Variants in HERC5 observed in about 807,000 individuals in gnomAD.
HERC5 encodes E3 ISG15--protein ligase HERC5.
Under a neutral mutation model 119.6 loss-of-function variants are expected in HERC5, and 99 were observed. The observed-to-expected ratio is 0.83, with a 90% CI of 0.70 to 0.98. The LOEUF is 0.98. Ranked by LOEUF, HERC5 falls within the 50% of genes least tolerant of loss-of-function variation. The pLI, the probability that HERC5 is intolerant of heterozygous loss-of-function variation, is 0.00. For synonymous variants in HERC5, 478 were observed against 445.9 expected, an observed-to-expected ratio of 1.07 and a Z score of -0.91; for missense variants, 1,267 against 1,241.3, an observed-to-expected ratio of 1.02 and a Z score of -0.31.
At chr4:88,468,473 A>G (rs1740750923) in intron 8 of HERC5, 51 bp downstream of exon 8, 4 of 1,301,362 alleles carry the variant, frequency 3.1e-6, no homozygotes, top group Non-Finnish European at 2.2e-6. Context: ...AAGCAAAACT[A>G]AGGGTTCTAG....
intron 20 of HERC5, among the ~76,000 whole-genome samples, chr4:88,503,508 G>A (rs1404365706): frequency 4.6e-5 from 7 of 152,054 alleles, no homozygotes; most frequent in South Asian, 2.1e-4. Context: ...CTATACATGT[G>A]GATATGAGTG....
Position 88,494,233 on chromosome 4 carries a change from T to C in HERC5, c.2346T>C (p.Asn782=), listed in dbSNP as rs767091304. The C allele has an allele frequency of 6.2e-7, 1 of 1,613,366 alleles. No individual in the cohort carries two copies. The highest frequency in any genetic ancestry group is 1.1e-5 in the South Asian group (1 of 91,048). The change falls in exon 18 of 23, where the codon AAT becomes AAC. Residue 782 remains asparagine, a synonymous_variant. Coordinates refer to ENST00000264350, the MANE Select transcript of HERC5 (RefSeq NM_016323.4). ...GTGGACTTTCCCTGTTCAATTGCAA[T>C]GTTGCCAACCTTCCTTTCCCACTGG... is the stretch of plus-strand genomic sequence containing the variant. The part of the protein sequence containing the change: ...VLCGLSLFNC[N]VANLPFPLAL...
At position 88,470,642 on chromosome 4, in the gene HERC5, G is replaced by A. The variant is rs375133286; in HGVS notation, c.1267G>A (p.Ala423Thr). 2.0e-6 allele frequency: 3 copies of A among 1,513,896 alleles called. No homozygotes were observed. Among genetic ancestry groups the A allele is most frequent in the Non-Finnish European group, 2.7e-6 (3 of 1,094,776 alleles). The allele number at this position is 1,513,896 out of a possible 1,614,324, so 93.8% of individuals were successfully genotyped here. A position where few individuals can be genotyped will look rare whatever the true frequency, so the allele number is the denominator to read the frequency against. Residue 423 changes from alanine (A) to threonine (T), a missense_variant, in exon 10 of 23, where the codon GCT (alanine) becomes ACT (threonine). By Grantham distance (58) the Ala-to-Thr change is moderately conservative. Coordinates refer to ENST00000264350, the MANE Select transcript of HERC5 (RefSeq NM_016323.4). ...AATCCAAGAGATATTTTCATCTCCT[G>A]CTTGTCTAACTGGAAGTTTTTTAAG... ...REIQEIFSSP[A>T]CLTGSFLRKR...
intron 13 of HERC5, among the ~76,000 whole-genome samples, chr4:88,481,688 C>G (rs1168678006): frequency 3.3e-5 from 5 of 152,132 alleles, no homozygotes; most frequent in Admixed American, 6.5e-5. Context: ...TCTGTCACAA[C>G]TGCAGCTATT....
intron 7 of HERC5, chr4:88,467,772 C>T: frequency 3.1e-6 from 1 of 319,326 alleles, no homozygotes; most frequent in Non-Finnish European, 4.5e-6. Context: ...GGAGTTGAAC[C>T]CGTGCCCTTT....
At chr4:88,473,974 C>T (rs1213003065) in intron 11 of HERC5, 1 of 152,176 alleles carries the variant, frequency 6.6e-6, no homozygotes, top group Admixed American at 6.5e-5. Flanking sequence ...TGTAATGTTT[C>T]TTTCTATCTT....
rs561652700 is a variant in HERC5 at position 88,458,251 on chromosome 4, TG to T, written c.265+718del. On this transcript the variant is annotated intron_variant, in intron 1 of 22. Transcript: ENST00000264350. Reference sequence around the variant, plus strand: ...GTAATATTTTTCTCACTTTGCCTTTTGTGCATGTTGTTTTTAGTGCATTTTT... The same window carrying T: ...GTAATATTTTTCTCACTTTGCCTTTTTGCATGTTGTTTTTAGTGCATTTTT... 4.5e-3 allele frequency: 1,252 copies of T among 279,042 alleles called. 2 individuals are homozygous for T. Among genetic ancestry groups the T allele is most frequent in the Non-Finnish European group, 5.6e-3 (1,034 of 184,026 alleles). 17.3% of individuals were successfully genotyped at this position (279,042 alleles called of 1,614,324 possible).
intron 11 of HERC5, among the ~76,000 whole-genome samples, chr4:88,475,117 C>CTTTTTTTTT (rs764084976): frequency 1.8e-5 from 2 of 109,952 alleles, no homozygotes; most frequent in African/African-American, 3.3e-5. Flanking sequence ...CGGATTTTGT[C>CTTTTTTTTT]TTTTTTTTTT....
chr4:88,471,589 C>T (rs560732529), intron 10 of HERC5, among the ~76,000 whole-genome samples: 25 of 152,154 alleles, frequency 1.6e-4, no homozygotes, highest in Non-Finnish European at 3.5e-4. Flanking sequence ...AGTCCTCCCA[C>T]CTCAGCCTCC....
At chr4:88,478,767 C>T (rs1245949404) in intron 12 of HERC5, among the ~76,000 whole-genome samples, 3 of 151,954 alleles carry the variant, frequency 2.0e-5, no homozygotes, top group Non-Finnish European at 4.4e-5. Context: ...TGTGCCACCA[C>T]GCCCTGCTAA....
At chr4:88,458,113 G>A (rs1740250039) in intron 1 of HERC5, 1 of 979,390 alleles carries the variant, frequency 1.0e-6, no homozygotes, top group Non-Finnish European at 1.2e-6. Context: ...TCGGTAAATT[G>A]CCTGTTTATC....
At chr4:88,486,995 G>A (rs1472453083) in intron 14 of HERC5, 74 bp from the exon 15 acceptor site, 1 of 964,018 alleles carries the variant, frequency 1.0e-6, no homozygotes, top group African/African-American at 1.6e-5. Flanking sequence ...CATCAGGGAT[G>A]TAAGGCTATG....
rs1353326023 is a variant in HERC5 at position 88,457,140 on chromosome 4, C to T, written c.-130C>T. Reference sequence around the variant, plus strand: ...GCTCAGTAGCTGAGGCTGCGGTTCCCCGACGCCACGCAGCTGCGCGCAGCT... The same window carrying T: ...GCTCAGTAGCTGAGGCTGCGGTTCCTCGACGCCACGCAGCTGCGCGCAGCT... On this transcript the variant is annotated 5_prime_UTR_variant, in exon 1 of 23. Transcript: ENST00000264350. The T allele has an allele frequency of 1.6e-6, 2 of 1,231,974 alleles. No homozygotes were observed. The highest frequency in any genetic ancestry group is 1.0e-6 in the Non-Finnish European group (1 of 987,684). 76.3% of individuals were successfully genotyped at this position (1,231,974 alleles called of 1,614,324 possible). A position where few individuals can be genotyped will look rare whatever the true frequency, so the allele number is the denominator to read the frequency against.
Position 88,457,484 on chromosome 4 carries a change from G to C in HERC5, c.215G>C (p.Gly72Ala). The change falls in exon 1 of 23, where the codon GGC becomes GCC. Residue 72 changes from glycine to alanine, a missense_variant. Gly to Ala is a moderately conservative substitution (Grantham distance 60). Around this residue, in one of 3 missense-constraint regions of HERC5, gnomAD observed 777 missense variants for 758.0 expected, o/e 1.03. Transcript: ENST00000264350. ...GCGGTCTTGGAACGCGGCGGGGCGG[G>C]CGTCCAGGTTCACCAGCTGCTCGCC... ...RLAVLERGGA[G>A]VQVHQLLAGS... 1 of 1,321,664 alleles carries C rather than the reference G, an allele frequency of 7.6e-7. No homozygotes were observed. The allele number at this position is 1,321,664 out of a possible 1,614,324, so 81.9% of individuals were successfully genotyped here.
At chr4:88,457,852 C>A in intron 1 of HERC5, 2 of 969,206 alleles carry the variant, frequency 2.1e-6, no homozygotes, top group Non-Finnish European at 1.3e-6. Flanking sequence ...CAAGTTTGTA[C>A]CCCCGTCCCC....
Position 88,475,921 on chromosome 4 carries a change from C to T in HERC5, c.1473C>T (p.Phe491=), listed in dbSNP as rs1741048954. Reference sequence around the variant, plus strand: ...CCCAAGAAGCTTTAGAAATTTTCTTCCTTCTCCCAGAATGTCCTATGATGC... The same window carrying T: ...CCCAAGAAGCTTTAGAAATTTTCTTTCTTCTCCCAGAATGTCCTATGATGC... ...SPPQEALEIF[F]LLPECPMMHI... The change falls in exon 12 of 23, where the codon TTC becomes TTT. Residue 491 remains phenylalanine, a synonymous_variant. Transcript: ENST00000264350. 1 of 1,613,976 alleles carries T rather than the reference C, an allele frequency of 6.2e-7. No homozygotes were observed. The highest frequency in any genetic ancestry group is 8.5e-7 in the Non-Finnish European group (1 of 1,179,918).
chr4:88,496,004 C>T (rs952875695), intron 18 of HERC5, among the ~76,000 whole-genome samples: 2 of 152,088 alleles, frequency 1.3e-5, no homozygotes, highest in African/African-American at 2.4e-5. Context: ...TCAATATTTA[C>T]GGGATTAGAA....
intron 11 of HERC5, among the ~76,000 whole-genome samples, chr4:88,474,202 C>T (rs1008694762): frequency 6.6e-6 from 1 of 152,186 alleles, no homozygotes; most frequent in African/African-American, 2.4e-5. Context: ...ACTTCACTGT[C>T]TTCGCTAGTG....
intron 7 of HERC5, 45 bp from the exon 8 acceptor site, chr4:88,468,301 G>A: frequency 7.4e-7 from 1 of 1,354,474 alleles, no homozygotes; most frequent in Non-Finnish European, 1.0e-6. Context: ...GCATGTTTGT[G>A]CCAAATGACT....
Sources: allele counts gnomAD v4.1 joint callset (sites outside exome capture counted in the v4.1 genomes callset), GRCh38; gene constraint gnomAD v4.1.1; regional missense constraint gnomAD v4.1.1; transcripts MANE v1.5; gene names NCBI Gene and HGNC (gene_info 2026-07-23, HGNC 2026-07-21).